Variants in GRAMD1B observed in about 807,000 individuals in gnomAD.
GRAMD1B encodes GRAM domain containing 1B.
A neutral mutation model predicts 99.7 loss-of-function variants in GRAMD1B; 37 were observed. That is an observed-to-expected ratio of 0.37 (90% CI 0.29 to 0.49). The LOEUF (loss-of-function observed/expected upper bound fraction) is 0.49. Among genes scored for constraint, GRAMD1B ranks in the 20% least tolerant of loss-of-function variants. The probability of loss-of-function intolerance (pLI) is 0.98; values close to 1 mark genes in which losing one functional copy is unlikely to be tolerated. For synonymous variants in GRAMD1B, 427 were observed against 387.6 expected (o/e 1.10, Z -1.19); for missense variants, 888 against 1,009.2 (o/e 0.88, Z 1.63).
intron 1 of GRAMD1B, among the ~76,000 whole-genome samples, chr11:123,461,815 A>G (rs1030910168): frequency 6.6e-6 from 1 of 151,882 alleles, no homozygotes; most frequent in Admixed American, 6.6e-5. Flanking sequence ...CATGTTGGCC[A>G]GGCTGGTCTC....
intron 2 of GRAMD1B, among the ~76,000 whole-genome samples, chr11:123,549,696 A>G (rs1263903771): frequency 6.6e-6 from 1 of 152,210 alleles, no homozygotes; most frequent in Non-Finnish European, 1.5e-5. Context: ...GTGTCATGCC[A>G]TCTGAGTGCT....
chr11:123,554,542 AAAAG>A (rs1555070583), intron 2 of GRAMD1B, among the ~76,000 whole-genome samples: 3 of 144,004 alleles, frequency 2.1e-5, no homozygotes, highest in Non-Finnish European at 4.4e-5. Flanking sequence ...AAAAAAAAAA[AAAAG>A]AAAGAAAGAA....
intron 2 of GRAMD1B, among the ~76,000 whole-genome samples, chr11:123,518,607 G>A (rs180916145): frequency 5.3e-5 from 8 of 152,238 alleles, no homozygotes; most frequent in East Asian, 3.9e-4. Flanking sequence ...CTTATAGAGC[G>A]GCTAGCAATG....
At chr11:123,366,657 A>T (rs1421879522) in intron 1 of GRAMD1B, among the ~76,000 whole-genome samples, 4 of 152,238 alleles carry the variant, frequency 2.6e-5, no homozygotes, top group Middle Eastern at 3.2e-3. Context: ...AAGAACACAG[A>T]CATTTGTACT....
intron 2 of GRAMD1B, among the ~76,000 whole-genome samples, chr11:123,536,194 C>T (rs1943948432): frequency 6.6e-6 from 1 of 152,128 alleles, no homozygotes; most frequent in African/African-American, 2.4e-5. Context: ...GCAGGTGGAT[C>T]ACTTGAGGCC....
At chr11:123,403,416 A>C (rs182430774) in intron 1 of GRAMD1B, among the ~76,000 whole-genome samples, 85 of 149,242 alleles carry the variant, frequency 5.7e-4, no homozygotes, top group Middle Eastern at 7.0e-3. Flanking sequence ...AACAAGAGCT[A>C]AACTCAGTCT....
At chr11:123,520,183 C>G (rs929893965) in intron 2 of GRAMD1B, among the ~76,000 whole-genome samples, 1 of 152,200 alleles carries the variant, frequency 6.6e-6, no homozygotes, top group South Asian at 2.1e-4. Flanking sequence ...TGAACTCTTT[C>G]CGGCCTCCAT....
intron 1 of GRAMD1B, among the ~76,000 whole-genome samples, chr11:123,397,170 G>C (rs1324081576): frequency 6.6e-6 from 1 of 152,186 alleles, no homozygotes; most frequent in African/African-American, 2.4e-5. Flanking sequence ...TTGGGAGGCA[G>C]AGGCGGGAGG....
At chr11:123,470,652 C>T (rs1950973887) in intron 1 of GRAMD1B, among the ~76,000 whole-genome samples, 1 of 151,732 alleles carries the variant, frequency 6.6e-6, no homozygotes, top group Admixed American at 6.6e-5. Context: ...TAAGAGAACA[C>T]AAGAGCTTGG....
At chr11:123,560,714 G>C (rs1946663354) in intron 2 of GRAMD1B, 1 of 453,776 alleles carries the variant, frequency 2.2e-6, no homozygotes, top group African/African-American at 2.0e-5. Flanking sequence ...GTGTGTGTGT[G>C]TGTGTGTGTG....
At chr11:123,472,421 G>C (rs953699767) in intron 1 of GRAMD1B, among the ~76,000 whole-genome samples, 1 of 152,114 alleles carries the variant, frequency 6.6e-6, no homozygotes. Context: ...TGGCTCAAGC[G>C]TTCCTCCCAC....
intron 1 of GRAMD1B, among the ~76,000 whole-genome samples, chr11:123,457,117 A>AGAAAAGAAAGAAAGAAAG: frequency 1.0e-5 from 1 of 99,436 alleles, no homozygotes; most frequent in Non-Finnish European, 2.2e-5. Context: ...TTCTGAGAAA[A>AGAAAAGAAAGAAAGAAAG]AAAGAAAGAA....
Position 123,460,905 on chromosome 11 carries a change from G to A in GRAMD1B, c.375-19911G>A, listed in dbSNP as rs147539178. Among the ~76,000 whole-genome samples the A allele has an allele frequency of 4.5e-3, 692 of 152,244 alleles. 9 individuals are homozygous for A. The highest frequency in any genetic ancestry group is 0.016 in the African/African-American group (661 of 41,548). On this transcript the variant is annotated intron_variant, in intron 1 of 19. Coordinates refer to ENST00000635736, the MANE Select transcript of GRAMD1B (RefSeq NM_001387025.1). ...CAAGAATCCATCTGCCTTCCCAGGT[G>A]CATCAGCTTCTCCTTTCCTTGGGCG...
intron 3 of GRAMD1B, among the ~76,000 whole-genome samples, chr11:123,579,697 C>T (rs1245924615): frequency 1.3e-5 from 2 of 152,134 alleles, no homozygotes; most frequent in Admixed American, 1.3e-4. Context: ...ATCAGGCTCC[C>T]CACTCCCTGC....
At chr11:123,519,756 C>T (rs1340113198) in intron 2 of GRAMD1B, among the ~76,000 whole-genome samples, 1 of 152,192 alleles carries the variant, frequency 6.6e-6, no homozygotes, top group Non-Finnish European at 1.5e-5. Flanking sequence ...GGGATCCTGT[C>T]GTTTATTTTC....
intron 2 of GRAMD1B, among the ~76,000 whole-genome samples, chr11:123,485,203 T>C (rs906212953): frequency 6.6e-6 from 1 of 152,218 alleles, no homozygotes; most frequent in Non-Finnish European, 1.5e-5. Context: ...AATTGTAACA[T>C]GAAAGATTGT....
At chr11:123,541,004 G>T (rs1444608440) in intron 2 of GRAMD1B, among the ~76,000 whole-genome samples, 2 of 151,402 alleles carry the variant, frequency 1.3e-5, no homozygotes, top group East Asian at 3.9e-4. Context: ...GACGGAGTTC[G>T]CTCTTGTTGC....
intron 2 of GRAMD1B, among the ~76,000 whole-genome samples, chr11:123,566,710 G>A (rs1333752776): frequency 1.3e-5 from 2 of 151,976 alleles, no homozygotes; most frequent in Non-Finnish European, 2.9e-5. Context: ...AGCTTGCAGT[G>A]AGCCGAGATC....
chr11:123,613,828 C>G (rs926226011), intron 16 of GRAMD1B, among the ~76,000 whole-genome samples, 170 bp downstream of exon 16: 1 of 152,220 alleles, frequency 6.6e-6, no homozygotes, highest in African/African-American at 2.4e-5. Flanking sequence ...TCTCTTTGCT[C>G]TTTAAGTTCC....
Sources: allele counts gnomAD v4.1 joint callset (sites outside exome capture counted in the v4.1 genomes callset), GRCh38; gene constraint gnomAD v4.1.1; transcripts MANE v1.5; gene names NCBI Gene and HGNC (gene_info 2026-07-23, HGNC 2026-07-21).